The following TECTA variants were observed in gnomAD, a reference collection of about 807,000 sequenced individuals.
TECTA encodes tectorin alpha, also known as alpha-tectorin.
TECTA carries 128 observed loss-of-function variants against 216.8 expected under a neutral mutation model. That is an observed-to-expected ratio of 0.59 (90% CI 0.51 to 0.68). The LOEUF (loss-of-function observed/expected upper bound fraction) is 0.68. TECTA is among the 30% of genes least tolerant of loss of function. The pLI, the probability that TECTA is intolerant of heterozygous loss-of-function variation, is 0.00. For missense variants in TECTA, 2,551 were observed against 2,786.2 expected, an observed-to-expected ratio of 0.92 and a Z score of 1.90; for synonymous variants, 1,089 against 1,117.1, an observed-to-expected ratio of 0.97 and a Z score of 0.50.
chr11:121,107,227 G>A (rs971965320), intron 3 of TECTA, among the ~76,000 whole-genome samples: 4 of 152,224 alleles, frequency 2.6e-5, no homozygotes, highest in South Asian at 2.1e-4. Flanking sequence ...GAGGACTTCC[G>A]TGCTGGAAGC....
chr11:121,186,599 A>G (rs1947291061), intron 20 of TECTA, among the ~76,000 whole-genome samples: 2 of 152,234 alleles, frequency 1.3e-5, no homozygotes, highest in African/African-American at 4.8e-5. Context: ...ATCCAAATGA[A>G]TAACAGTGTT....
At chr11:121,170,463 G>T (rs1416734796) in intron 20 of TECTA, among the ~76,000 whole-genome samples, 1 of 151,566 alleles carries the variant, frequency 6.6e-6, no homozygotes, top group Non-Finnish European at 1.5e-5. Context: ...GTTTTGCTTT[G>T]TTTTGTTTTG....
chr11:121,175,029 G>T (rs1947150817), intron 20 of TECTA, among the ~76,000 whole-genome samples: 1 of 152,078 alleles, frequency 6.6e-6, no homozygotes, highest in Admixed American at 6.5e-5. Context: ...TGTGGGATCG[G>T]TGGTGATATC....
In TECTA at chr11:121,113,222, C is replaced by T. The variant is rs1461173397; in HGVS notation, c.624+13C>T. The T allele has an allele frequency of 3.1e-6, 5 of 1,613,900 alleles. No homozygotes were observed. Among genetic ancestry groups the T allele is most frequent in the Non-Finnish European group, 4.2e-6 (5 of 1,180,012 alleles). On this transcript the variant is annotated intron_variant, in intron 5 of 23. Transcript: ENST00000392793. The surrounding 1 kb of genome is among the most constrained non-coding windows in gnomAD (Gnocchi z 4.2). ...AGTGATGGCACAGGTAGGTGGCTCT[C>T]CACTTCATCCCCCGCGTGTTTCCGT...
chr11:121,167,919 C>T, intron 18 of TECTA, 135 bp from the exon 19 acceptor site: 1 of 992,024 alleles, frequency 1.0e-6, no homozygotes, highest in Non-Finnish European at 1.6e-6. Context: ...AGGCTAGCTC[C>T]ATGCTGATTT....
intron 13 of TECTA, among the ~76,000 whole-genome samples, chr11:121,157,426 CTACAAAAAA>C (rs1159974990): frequency 6.6e-6 from 1 of 152,008 alleles, no homozygotes; most frequent in African/African-American, 2.4e-5. Flanking sequence ...GACTCCGTCT[CTACAAAAAA>C]TACAAAAATT....
rs762951646 is a variant in TECTA, at chr11:121,137,517, G to C, written c.3038G>C (p.Cys1013Ser). 6.2e-7 allele frequency: 1 copy of C among 1,613,934 alleles called. No homozygotes were observed. The highest frequency in any genetic ancestry group is 8.5e-7 in the Non-Finnish European group (1 of 1,179,976). ...CTGGGCCCCATCTGCGTGGATAGCT[G>C]CTCTGAGGGATGTCAGTGTGATGAG... is the stretch of plus-strand genomic sequence containing the variant. ...LTLGPICVDS[C>S]SEGCQCDEGY... Residue 1013 changes from cysteine (C) to serine (S), a missense_variant, in exon 11 of 24, where the codon TGC becomes TCC. Physicochemically the swap from Cys to Ser is moderately radical, Grantham distance 112. Coordinates refer to ENST00000392793, the MANE Select transcript of TECTA (RefSeq NM_005422.4).
rs2134219257 is a variant in TECTA at position 121,191,396 on chromosome 11, C to G, written c.*590C>G. The G allele has an allele frequency of 6.3e-6, 1 of 159,708 alleles. No individual in the cohort carries two copies. Among genetic ancestry groups the G allele is most frequent in the South Asian group, 1.8e-4 (1 of 5,628 alleles). The allele number at this position is 159,708 out of a possible 1,614,324, so 9.9% of individuals were successfully genotyped here. ...CTGGGGAACCCCACCCACTCTCCTA[C>G]CCCCTCGAACCCAATCCCTTCTCTT... On this transcript the variant is annotated 3_prime_UTR_variant, in exon 24 of 24. Coordinates refer to ENST00000392793, the MANE Select transcript of TECTA (RefSeq NM_005422.4).
At chr11:121,170,828 T>G (rs1266860041) in intron 20 of TECTA, among the ~76,000 whole-genome samples, 1 of 152,202 alleles carries the variant, frequency 6.6e-6, no homozygotes, top group Non-Finnish European at 1.5e-5. Context: ...TTCTGGATAC[T>G]AATCCCTTGT....
At chr11:121,128,719 A>G (rs1946641791) in intron 9 of TECTA, among the ~76,000 whole-genome samples, 1 of 152,206 alleles carries the variant, frequency 6.6e-6, no homozygotes, top group African/African-American at 2.4e-5. Flanking sequence ...TTCCACAGGG[A>G]CACCTAACCG....
chr11:121,143,022 C>A (rs1946799392), intron 11 of TECTA, among the ~76,000 whole-genome samples: 1 of 152,250 alleles, frequency 6.6e-6, no homozygotes, highest in South Asian at 2.1e-4. Context: ...TTAAGAGCAT[C>A]ATCTCTGCTT....
At chr11:121,171,924 C>A (rs952154748) in intron 20 of TECTA, among the ~76,000 whole-genome samples, 1 of 152,150 alleles carries the variant, frequency 6.6e-6, no homozygotes, top group African/African-American at 2.4e-5. Flanking sequence ...CTTGATTGAA[C>A]TGGCTAGGAC....
chr11:121,127,637 C>G lies in TECTA; in HGVS notation c.1775-115C>G. 8.0e-7 allele frequency: 1 copy of G among 1,249,660 alleles called. No homozygotes were observed. Among genetic ancestry groups the G allele is most frequent in the South Asian group, 1.2e-5 (1 of 83,002 alleles). 77.4% of individuals were successfully genotyped at this position (1,249,660 alleles called of 1,614,324 possible). A position where few individuals can be genotyped will look rare whatever the true frequency, so the allele number is the denominator to read the frequency against. ...CTCAATTCTGTCTTCCCCGAGTGGC[C>G]GCTTGACCCTCACTCTAGGAACTAA... On this transcript the variant is annotated intron_variant, in intron 8 of 23. Coordinates refer to ENST00000392793, the MANE Select transcript of TECTA (RefSeq NM_005422.4). This position sits in a 1 kb window ranked among gnomAD's most constrained non-coding sequence, Gnocchi z 5.0.
At position 121,169,102 on chromosome 11, in the gene TECTA, C is replaced by T. The variant is rs55922606; in HGVS notation, c.5999+177C>T. The stretch of plus-strand genomic sequence containing the variant: ...CCTATGAGGTAGATATTATAGGCCT[C>T]ATTTTACAGACAATCAAGTAACTTG... On this transcript the variant is annotated intron_variant, in intron 20 of 23. Transcript: ENST00000392793. 4.8e-3 allele frequency among the ~76,000 whole-genome samples: 732 copies of T among 152,320 alleles called. 7 individuals are homozygous for T. The highest frequency in any genetic ancestry group is 7.9e-3 in the Non-Finnish European group (538 of 68,022).
intron 20 of TECTA, among the ~76,000 whole-genome samples, chr11:121,186,938 C>T (rs1947294230): frequency 6.6e-6 from 1 of 152,214 alleles, no homozygotes; most frequent in African/African-American, 2.4e-5. Flanking sequence ...ATGCCACATG[C>T]CATGTAGTGC....
At chr11:121,166,086 A>G (rs1354014339) in intron 17 of TECTA, among the ~76,000 whole-genome samples, 1 of 152,210 alleles carries the variant, frequency 6.6e-6, no homozygotes, top group Non-Finnish European at 1.5e-5. Flanking sequence ...TTATATGCTC[A>G]AGAGAAAATG....
intron 20 of TECTA, among the ~76,000 whole-genome samples, chr11:121,185,007 A>G (rs1947267638): frequency 6.6e-6 from 1 of 152,226 alleles, no homozygotes; most frequent in African/African-American, 2.4e-5. Context: ...CCCAGATTAT[A>G]GGGCTTATGT....
chr11:121,122,025 T>G (rs1946563216), intron 7 of TECTA, among the ~76,000 whole-genome samples: 1 of 152,166 alleles, frequency 6.6e-6, no homozygotes, highest in Admixed American at 6.5e-5. Flanking sequence ...ACCCTCTACC[T>G]AGGAGACAAG....
In TECTA at chr11:121,113,654, AGGCCGCTG is replaced by A. The variant is rs1565518246; in HGVS notation, c.730_737del (p.Arg244IlefsTer2). ...AGGAGACCACAAACGTCAATGTTCCAGGCCGCTGGGCATTTAAAGTTGATGGAAAGGAA... is the reference window on the plus strand; with the variant it reads ...AGGAGACCACAAACGTCAATGTTCCAGGCATTTAAAGTTGATGGAAAGGAA... On this transcript the variant is annotated frameshift_variant, in exon 6 of 24. Transcript: ENST00000392793. LOFTEE classifies it high-confidence loss of function. This position sits in a 1 kb window ranked among gnomAD's most constrained non-coding sequence, Gnocchi z 4.2. 1 of 1,613,824 alleles carries A rather than the reference AGGCCGCTG, an allele frequency of 6.2e-7. No individual in the cohort carries two copies. Among genetic ancestry groups the A allele is most frequent in the Non-Finnish European group, 8.5e-7 (1 of 1,180,030 alleles).
Sources: gnomAD v4.1 joint callset for allele counts (sites outside exome capture counted in the v4.1 genomes callset) on GRCh38, gnomAD v4.1.1 for gene constraint, Gnocchi (gnomAD v3.1) non-coding constraint, MANE v1.5 for transcripts, NCBI Gene and HGNC (gene_info 2026-07-23, HGNC 2026-07-21) for gene names.